GRIK2: variants seen among roughly 807,000 people sequenced by gnomAD.
GRIK2 encodes the protein glutamate receptor ionotropic, kainate 2.
GRIK2 carries 32 observed loss-of-function variants against 100.3 expected under a neutral mutation model. The ratio of observed to expected loss-of-function variants is 0.32; its 90% confidence interval spans 0.24 to 0.43. The LOEUF is 0.43. Among genes scored for constraint, GRIK2 ranks in the 20% least tolerant of loss-of-function variants. The pLI is 1.00. For missense variants in GRIK2, 843 were observed against 1,114.9 expected, an observed-to-expected ratio of 0.76 and a Z score of 3.47; for synonymous variants, 417 against 389.4, an observed-to-expected ratio of 1.07 and a Z score of -0.83.
At chr6:101,978,259 C>T (rs534083908) in intron 14 of GRIK2, among the ~76,000 whole-genome samples, 4 of 151,898 alleles carry the variant, frequency 2.6e-5, no homozygotes, top group Non-Finnish European at 5.9e-5. Flanking sequence ...GTCTCTTCAT[C>T]AGGGAACTGA....
intron 14 of GRIK2, among the ~76,000 whole-genome samples, chr6:102,028,019 T>C (rs117342629): frequency 0.013 from 1,961 of 151,254 alleles, 19 homozygotes; most frequent in Middle Eastern, 0.024. Context: ...ACCAGTTCAC[T>C]AAAACATTCA....
chr6:101,548,161 G>C (rs1776340231), intron 2 of GRIK2, among the ~76,000 whole-genome samples: 3 of 152,014 alleles, frequency 2.0e-5, no homozygotes, highest in Admixed American at 2.0e-4. Context: ...ACTTTTTGAT[G>C]GGGTTGTTTG....
At chr6:101,947,009 T>C (rs1791322201) in intron 14 of GRIK2, among the ~76,000 whole-genome samples, 1 of 152,074 alleles carries the variant, frequency 6.6e-6, no homozygotes, top group Admixed American at 6.6e-5. Context: ...TGCTACCTTG[T>C]AATATTAGCA....
chr6:101,554,568 G>C (rs1403644411), intron 2 of GRIK2, among the ~76,000 whole-genome samples: 1 of 152,088 alleles, frequency 6.6e-6, no homozygotes, highest in East Asian at 1.9e-4. Flanking sequence ...CTCCTGGCTA[G>C]GTTAGGTGAC....
intron 7 of GRIK2, among the ~76,000 whole-genome samples, chr6:101,737,276 A>G (rs116788889): frequency 0.024 from 3,671 of 152,128 alleles, 148 homozygotes; most frequent in African/African-American, 0.082. Flanking sequence ...TTTCAGCAGC[A>G]CCCCACTCTA....
intron 7 of GRIK2, among the ~76,000 whole-genome samples, chr6:101,705,188 T>C (rs2128355084): frequency 6.6e-6 from 1 of 151,486 alleles, no homozygotes; most frequent in Admixed American, 6.6e-5. Context: ...GGCATTAATG[T>C]GTATAACATA....
At chr6:101,926,990 A>G (rs941106645) in intron 13 of GRIK2, among the ~76,000 whole-genome samples, 5 of 152,188 alleles carry the variant, frequency 3.3e-5, no homozygotes, top group African/African-American at 1.2e-4. Flanking sequence ...GCTGCTCATC[A>G]TCTTGGGAGT....
chr6:101,944,002 G>T (rs1045913604), intron 14 of GRIK2, among the ~76,000 whole-genome samples: 1 of 152,088 alleles, frequency 6.6e-6, no homozygotes, highest in African/African-American at 2.4e-5. Context: ...TTGAAGGAGG[G>T]GCCTGGCAGG....
intron 2 of GRIK2, among the ~76,000 whole-genome samples, chr6:101,489,583 T>C (rs1171659479): frequency 6.8e-6 from 1 of 146,576 alleles, no homozygotes; most frequent in Admixed American, 6.8e-5. Flanking sequence ...AACTTACTGA[T>C]TTACTGTGTT....
intron 2 of GRIK2, among the ~76,000 whole-genome samples, chr6:101,425,991 C>T (rs1231147853): frequency 6.6e-6 from 1 of 152,174 alleles, no homozygotes; most frequent in Admixed American, 6.5e-5. Context: ...ACTTTTCATT[C>T]TTTCAGACTT....
intron 2 of GRIK2, among the ~76,000 whole-genome samples, chr6:101,528,935 A>G (rs1422142318): frequency 2.0e-5 from 3 of 152,116 alleles, no homozygotes; most frequent in Non-Finnish European, 4.4e-5. Flanking sequence ...AGAAAAGACA[A>G]CTTGCTAAAA....
At chr6:101,794,863 T>C (rs994383324) in intron 7 of GRIK2, among the ~76,000 whole-genome samples, 3 of 151,376 alleles carry the variant, frequency 2.0e-5, no homozygotes, top group Non-Finnish European at 4.4e-5. Flanking sequence ...GTTGCTTGTT[T>C]CAATTTTTTT....
chr6:101,504,990 T>C (rs1773947825), intron 2 of GRIK2, among the ~76,000 whole-genome samples: 1 of 152,118 alleles, frequency 6.6e-6, no homozygotes, highest in Non-Finnish European at 1.5e-5. Context: ...AGCATCATTT[T>C]ATATTTGTTT....
chr6:101,573,446 A>G (rs1484448825), intron 2 of GRIK2, among the ~76,000 whole-genome samples: 3 of 152,178 alleles, frequency 2.0e-5, no homozygotes, highest in Non-Finnish European at 4.4e-5. Context: ...ACAGGCCTTG[A>G]GATACACATT....
At chr6:101,621,850 C>G in intron 2 of GRIK2, 99 bp from the exon 3 acceptor site, 1 of 795,490 alleles carries the variant, frequency 1.3e-6, no homozygotes, top group Non-Finnish European at 2.1e-6. Context: ...TGCACTTGCA[C>G]ATATATAAAA....
chr6:101,822,000 T>C (rs1781986218), intron 10 of GRIK2, among the ~76,000 whole-genome samples: 1 of 152,146 alleles, frequency 6.6e-6, no homozygotes, highest in Non-Finnish European at 1.5e-5. Context: ...ATTCTGGAAT[T>C]CAGCACTATC....
intron 7 of GRIK2, among the ~76,000 whole-genome samples, chr6:101,704,271 A>G (rs1241809441): frequency 6.6e-6 from 1 of 151,754 alleles, no homozygotes; most frequent in Non-Finnish European, 1.5e-5. Context: ...TAATTATAAT[A>G]CCAAATCATA....
chr6:101,583,451 G>GCT (rs1162453392), intron 2 of GRIK2, among the ~76,000 whole-genome samples: 3 of 152,026 alleles, frequency 2.0e-5, no homozygotes, highest in Non-Finnish European at 4.4e-5. Flanking sequence ...GCCATGTGTA[G>GCT]CTACATTATA....
intron 2 of GRIK2, among the ~76,000 whole-genome samples, chr6:101,604,706 A>G (rs191144931): frequency 5.9e-5 from 9 of 152,102 alleles, no homozygotes; most frequent in Admixed American, 1.3e-4. Flanking sequence ...TAGTTTAAAA[A>G]GCCAATAATT....
Sources: allele counts gnomAD v4.1 joint callset (sites outside exome capture counted in the v4.1 genomes callset), GRCh38; gene constraint gnomAD v4.1.1; transcripts MANE v1.5; gene names NCBI Gene and HGNC (gene_info 2026-07-23, HGNC 2026-07-21).